HCRTR2: variants seen among roughly 807,000 people sequenced by gnomAD.
HCRTR2 encodes orexin receptor type 2.
HCRTR2 carries 22 observed loss-of-function variants against 49.0 expected under a neutral mutation model. That is an observed-to-expected ratio of 0.45 (90% CI 0.32 to 0.64). The LOEUF (loss-of-function observed/expected upper bound fraction) is 0.64. HCRTR2 is among the 30% of genes least tolerant of loss of function. HCRTR2 has a pLI of 0.04. For missense variants in HCRTR2, 491 were observed against 559.4 expected, an observed-to-expected ratio of 0.88 and a Z score of 1.23; for synonymous variants, 236 against 205.3, an observed-to-expected ratio of 1.15 and a Z score of -1.28.
At chr6:55,244,860 G>A (rs192130945) in intron 1 of HCRTR2, among the ~76,000 whole-genome samples, 1 of 152,102 alleles carries the variant, frequency 6.6e-6, no homozygotes, top group African/African-American at 2.4e-5. Flanking sequence ...TATGGGTTTA[G>A]TTTTGTTCTT....
At position 55,238,232 on chromosome 6, in the gene HCRTR2, T is replaced by A. The variant is rs1194279833; in HGVS notation, c.224-10407T>A. On this transcript the variant is annotated intron_variant, in intron 1 of 6. Coordinates refer to ENST00000370862, the MANE Select transcript of HCRTR2 (RefSeq NM_001384272.1). ...TGTCAAGCAATATACCTGCTAATCA[T>A]CCTCAGTTCTTCTTACTCTCTCATC... Among the ~76,000 whole-genome samples, 5 of 152,148 alleles carry A rather than the reference T, an allele frequency of 3.3e-5. No individual in the cohort carries two copies. In the East Asian group the frequency reaches 9.6e-4, roughly 29 times the overall value.
At chr6:55,272,204 T>C (rs1042130573) in intron 4 of HCRTR2, among the ~76,000 whole-genome samples, 5 of 152,120 alleles carry the variant, frequency 3.3e-5, no homozygotes, top group Non-Finnish European at 7.4e-5. Flanking sequence ...CACTGATATA[T>C]GCCACAAGAT....
At chr6:55,159,718 A>G (rs1444865644) in intron 1 of HCRTR2, among the ~76,000 whole-genome samples, 1 of 152,224 alleles carries the variant, frequency 6.6e-6, no homozygotes, top group East Asian at 1.9e-4. Flanking sequence ...CAAATCGATC[A>G]AGCAAAGAAA....
intron 1 of HCRTR2, among the ~76,000 whole-genome samples, chr6:55,132,747 CTCTCTT>C (rs963481280): frequency 1.3e-5 from 1 of 77,712 alleles, no homozygotes; most frequent in African/African-American, 4.7e-5. Context: ...CCCTCTCTCT[CTCTCTT>C]TTTTTTTTTT....
At chr6:55,148,382 C>T (rs1211713033) in intron 1 of HCRTR2, among the ~76,000 whole-genome samples, 1 of 152,014 alleles carries the variant, frequency 6.6e-6, no homozygotes, top group Non-Finnish European at 1.5e-5. Context: ...CTCAGTTCCT[C>T]CCACATTATT....
chr6:55,123,877 T>G (rs1028410490), intron 1 of HCRTR2, among the ~76,000 whole-genome samples: 1 of 152,184 alleles, frequency 6.6e-6, no homozygotes, highest in African/African-American at 2.4e-5. Flanking sequence ...GTCCAGAAAT[T>G]TATCCATTTC....
At chr6:55,249,418 T>C (rs1057502421) in intron 2 of HCRTR2, among the ~76,000 whole-genome samples, 2 of 152,126 alleles carry the variant, frequency 1.3e-5, no homozygotes, top group Non-Finnish European at 2.9e-5. Context: ...CATTCACCAA[T>C]TGTATGCTAT....
At chr6:55,175,974 G>A (rs2127269865) in intron 1 of HCRTR2, among the ~76,000 whole-genome samples, 1 of 140,080 alleles carries the variant, frequency 7.1e-6, no homozygotes, top group South Asian at 2.1e-4. Flanking sequence ...ATTTATAAAA[G>A]AAGAAGAAGG....
downstream of HCRTR2, among the ~76,000 whole-genome samples, chr6:55,284,384 G>A (rs1308340174): frequency 6.6e-6 from 1 of 152,104 alleles, no homozygotes; most frequent in African/African-American, 2.4e-5. Context: ...TAGTGGACAT[G>A]CTAACTTCCA....
chr6:55,226,264 T>C (rs928550521), intron 1 of HCRTR2, among the ~76,000 whole-genome samples: 1 of 152,232 alleles, frequency 6.6e-6, no homozygotes, highest in Non-Finnish European at 1.5e-5. Context: ...AATAGTGCTC[T>C]GAAGTGCTTC....
chr6:55,171,359 G>T (rs1248138620), upstream of HCRTR2, among the ~76,000 whole-genome samples: 1 of 152,026 alleles, frequency 6.6e-6, no homozygotes, highest in Non-Finnish European at 1.5e-5. Flanking sequence ...TACAAATTTA[G>T]AGCTTTCTTT....
intron 1 of HCRTR2, among the ~76,000 whole-genome samples, chr6:55,166,980 G>A (rs973054972): frequency 7.3e-6 from 1 of 136,114 alleles, no homozygotes; most frequent in African/African-American, 2.7e-5. Context: ...TTCCAGAATT[G>A]TCAGATCCAC....
At chr6:55,171,674 G>A (rs1389002565), upstream of HCRTR2, among the ~76,000 whole-genome samples, 1 of 152,100 alleles carries the variant, frequency 6.6e-6, no homozygotes, top group Non-Finnish European at 1.5e-5. Context: ...ATATTTGTAG[G>A]ATCAAGATAA....
intron 1 of HCRTR2, among the ~76,000 whole-genome samples, chr6:55,222,971 G>A (rs1183132253): frequency 6.6e-6 from 1 of 152,082 alleles, no homozygotes; most frequent in African/African-American, 2.4e-5. Context: ...TAAAGAATTT[G>A]CCAAATGGAA....
intron 1 of HCRTR2, among the ~76,000 whole-genome samples, chr6:55,199,167 AAC>A (rs1329114455): frequency 6.6e-6 from 1 of 152,160 alleles, no homozygotes; most frequent in Non-Finnish European, 1.5e-5. Context: ...TAATGACAAA[AAC>A]ACACACGACT....
At chr6:55,274,384 G>A (rs762502085) in intron 4 of HCRTR2, among the ~76,000 whole-genome samples, 86 of 92,256 alleles carry the variant, frequency 9.3e-4, no homozygotes, top group Admixed American at 3.1e-3. Flanking sequence ...TTTTGATATT[G>A]AAACTTTTAA....
rs114722459 is a variant in HCRTR2, at chr6:55,110,165, G to A, written c.-378+3620G>A. On this transcript the variant is annotated intron_variant, in intron 1 of 7. Transcript: ENST00000615358. ...GATAGTCTTTTCCAGACTAATAAAT[G>A]CTGAGAGAATTCGCCACTATCAAGC... is the stretch of plus-strand genomic sequence containing the variant. 4.0e-3 allele frequency among the ~76,000 whole-genome samples: 602 copies of A among 152,212 alleles called. 3 individuals are homozygous for A. The highest frequency in any genetic ancestry group is 0.012 in the African/African-American group (515 of 41,554).
intron 1 of HCRTR2, among the ~76,000 whole-genome samples, chr6:55,164,213 TG>T (rs1764845307): frequency 6.6e-6 from 1 of 152,202 alleles, no homozygotes; most frequent in African/African-American, 2.4e-5. Context: ...GAAGACAGTG[TG>T]GTGATTCCTC....
At chr6:55,204,631 G>T (rs185328378) in intron 1 of HCRTR2, among the ~76,000 whole-genome samples, 1 of 152,152 alleles carries the variant, frequency 6.6e-6, no homozygotes, top group African/African-American at 2.4e-5. Flanking sequence ...CAGCCAAGAG[G>T]TTTGGTGGAA....
Sources: allele counts gnomAD v4.1 joint callset (sites outside exome capture counted in the v4.1 genomes callset), GRCh38; gene constraint gnomAD v4.1.1; transcripts MANE v1.5; gene names NCBI Gene and HGNC (gene_info 2026-07-23, HGNC 2026-07-21).